The following DCC variants were observed in gnomAD, a reference collection of about 807,000 sequenced individuals.
DCC encodes the protein netrin receptor DCC.
In DCC, 58 loss-of-function variants were observed where a neutral mutation model predicts 172.5. That is an observed-to-expected ratio of 0.34 (90% confidence interval 0.27 to 0.42). The LOEUF is 0.42. DCC is among the 10% of genes least tolerant of loss of function. The pLI, the probability that DCC is intolerant of heterozygous loss-of-function variation, is 1.00. For synonymous variants in DCC, 709 were observed against 644.5 expected (o/e 1.10, Z -1.52); for missense variants, 1,740 against 1,791.0 (o/e 0.97, Z 0.51).
At chr18:52,390,186 G>C (rs902254492) in intron 1 of DCC, among the ~76,000 whole-genome samples, 6 of 152,042 alleles carry the variant, frequency 3.9e-5, no homozygotes, top group Admixed American at 3.9e-4. Context: ...TCAGGTTGTT[G>C]GCTCTCCCAC....
At chr18:53,066,487 G>A (rs977747924) in intron 7 of DCC, among the ~76,000 whole-genome samples, 1 of 147,662 alleles carries the variant, frequency 6.8e-6, no homozygotes, top group East Asian at 2.0e-4. Flanking sequence ...TAGGGCCTCT[G>A]CTTTTCAAGG....
At chr18:52,415,470 T>C (rs1163749609) in intron 1 of DCC, among the ~76,000 whole-genome samples, 2 of 152,182 alleles carry the variant, frequency 1.3e-5, no homozygotes, top group East Asian at 3.9e-4. Context: ...AGCAAGGCAC[T>C]GTGTAAACAT....
intron 7 of DCC, among the ~76,000 whole-genome samples, chr18:53,146,621 C>A (rs2043920157): frequency 1.3e-5 from 2 of 152,150 alleles, no homozygotes; most frequent in South Asian, 2.1e-4. Flanking sequence ...TCATAGAAAG[C>A]CTTGTCTACA....
At chr18:52,615,140 A>G (rs1284630142) in intron 1 of DCC, among the ~76,000 whole-genome samples, 1 of 152,110 alleles carries the variant, frequency 6.6e-6, no homozygotes, top group Non-Finnish European at 1.5e-5. Flanking sequence ...TAAAAGCATC[A>G]TTTTCCTGAG....
intron 28 of DCC, 166 bp from the exon 29 acceptor site, chr18:53,530,398 T>A: frequency 2.8e-6 from 2 of 708,606 alleles, no homozygotes; most frequent in Non-Finnish European, 5.2e-6. Flanking sequence ...TCCCCTTTTA[T>A]TACCAGCATC....
chr18:52,761,633 A>T (rs1466366499), intron 2 of DCC, among the ~76,000 whole-genome samples: 1 of 152,134 alleles, frequency 6.6e-6, no homozygotes, highest in African/African-American at 2.4e-5. Context: ...TTATACTGGG[A>T]ATGAACAAAC....
intron 28 of DCC, chr18:53,527,087 ATACGTG>A (rs1804863716): frequency 3.1e-6 from 1 of 325,446 alleles, no homozygotes; most frequent in African/African-American, 2.7e-5. Flanking sequence ...ATACACATGG[ATACGTG>A]TGTGTGTGTG....
intron 5 of DCC, among the ~76,000 whole-genome samples, chr18:53,004,268 C>T (rs1389832569): frequency 1.3e-5 from 2 of 152,122 alleles, no homozygotes; most frequent in Admixed American, 6.6e-5. Flanking sequence ...TTTGAAAGGG[C>T]CTTAGCCCTC....
At chr18:52,800,941 G>A (rs886593961) in intron 2 of DCC, among the ~76,000 whole-genome samples, 1 of 152,114 alleles carries the variant, frequency 6.6e-6, no homozygotes, top group Non-Finnish European at 1.5e-5. Context: ...GTATTGGCAG[G>A]GTGCATCATT....
At chr18:52,417,014 T>A (rs1190404507) in intron 1 of DCC, among the ~76,000 whole-genome samples, 1 of 152,196 alleles carries the variant, frequency 6.6e-6, no homozygotes, top group African/African-American at 2.4e-5. Context: ...CTGGTACCGG[T>A]TGTTCCTCTC....
chr18:52,420,381 A>T (rs1296310468), intron 1 of DCC, among the ~76,000 whole-genome samples: 1 of 152,126 alleles, frequency 6.6e-6, no homozygotes, highest in Non-Finnish European at 1.5e-5. Flanking sequence ...TGTGATCTTG[A>T]TCTAACCAGT....
chr18:53,333,959 T>G (rs761380509), intron 14 of DCC, among the ~76,000 whole-genome samples: 21 of 152,272 alleles, frequency 1.4e-4, no homozygotes, highest in South Asian at 8.3e-4. Context: ...CCCAAGGAAA[T>G]CTCACCTGTG....
chr18:52,753,858 T>G (rs1160726565), intron 2 of DCC, among the ~76,000 whole-genome samples: 1 of 152,152 alleles, frequency 6.6e-6, no homozygotes, highest in Admixed American at 6.5e-5. Flanking sequence ...GAAGAATCAG[T>G]TTTTTTACTT....
intron 2 of DCC, among the ~76,000 whole-genome samples, chr18:52,868,053 ATGTGTGTG>A (rs1555675518): frequency 0.31 from 44,171 of 144,256 alleles, 7,875 homozygotes; most frequent in Middle Eastern, 0.42. Context: ...ATATATATAT[ATGTGTGTG>A]TGTGTGTGTG....
At chr18:52,640,964 T>A (rs944072468) in intron 1 of DCC, among the ~76,000 whole-genome samples, 13 of 152,042 alleles carry the variant, frequency 8.6e-5, no homozygotes, top group African/African-American at 3.1e-4. Flanking sequence ...GATTTCAAAC[T>A]ATACAATAAG....
intron 5 of DCC, among the ~76,000 whole-genome samples, chr18:52,990,597 A>G (rs867644460): frequency 6.6e-5 from 10 of 151,686 alleles, no homozygotes; most frequent in Non-Finnish European, 1.3e-4. Context: ...CAATTACAAA[A>G]ATGATCAAAG....
chr18:52,418,490 C>T (rs929603542), intron 1 of DCC, among the ~76,000 whole-genome samples: 7 of 152,108 alleles, frequency 4.6e-5, no homozygotes, highest in Non-Finnish European at 4.4e-5. Context: ...CCAACTCAAA[C>T]GAAAGTAAAG....
chr18:52,650,568 T>G (rs2035112624), intron 1 of DCC, among the ~76,000 whole-genome samples: 1 of 152,234 alleles, frequency 6.6e-6, no homozygotes, highest in South Asian at 2.1e-4. Flanking sequence ...TTTGTTTGTT[T>G]GTTTGTTTTG....
At chr18:53,137,994 T>A (rs910726704) in intron 7 of DCC, among the ~76,000 whole-genome samples, 6 of 151,578 alleles carry the variant, frequency 4.0e-5, no homozygotes, top group African/African-American at 1.2e-4. Context: ...TGTTTTTTTT[T>A]TAAATTTTTG....
Sources: allele counts gnomAD v4.1 joint callset (sites outside exome capture counted in the v4.1 genomes callset), GRCh38; gene constraint gnomAD v4.1.1; transcripts MANE v1.5; gene names NCBI Gene and HGNC (gene_info 2026-07-23, HGNC 2026-07-21).